The following LRRC7 variants were observed in gnomAD, a reference collection of about 807,000 sequenced individuals.
LRRC7 encodes leucine rich repeat containing 7.
A neutral mutation model predicts 175.7 loss-of-function variants in LRRC7; 23 were observed. The observed-to-expected ratio is 0.13, with a 90% CI of 0.09 to 0.19. The LOEUF is 0.19. Ranked by LOEUF, LRRC7 falls within the 10% of genes least tolerant of loss-of-function variation. The pLI, the probability that LRRC7 is intolerant of heterozygous loss-of-function variation, is 1.00. For synonymous variants in LRRC7, 685 were observed against 680.9 expected (o/e 1.01, Z -0.09); for missense variants, 1,354 against 1,904.7 (o/e 0.71, Z 5.38).
intron 21 of LRRC7, among the ~76,000 whole-genome samples, chr1:70,040,514 G>C (rs114076989): frequency 1.3e-5 from 2 of 152,084 alleles, no homozygotes; most frequent in African/African-American, 4.8e-5. Flanking sequence ...ATTAATTCTA[G>C]TTCAGTTAAA....
intron 2 of LRRC7, among the ~76,000 whole-genome samples, chr1:69,679,201 T>C (rs1467852611): frequency 6.6e-6 from 1 of 152,126 alleles, no homozygotes. Flanking sequence ...TTCCTCATGG[T>C]ATTTGCATAT....
At chr1:70,036,698 A>G in intron 20 of LRRC7, 74 bp downstream of exon 20, 2 of 1,463,700 alleles carry the variant, frequency 1.4e-6, no homozygotes, top group Non-Finnish European at 1.8e-6. Flanking sequence ...GAATCTTCTT[A>G]ATTTTGGAAT....
intron 1 of LRRC7, among the ~76,000 whole-genome samples, chr1:69,675,382 C>T (rs973390085): frequency 6.6e-6 from 1 of 152,096 alleles, no homozygotes; most frequent in African/African-American, 2.4e-5. Context: ...TTTGTTTTCA[C>T]ATATTTGATA....
At chr1:69,943,815 T>G (rs915689033) in intron 8 of LRRC7, among the ~76,000 whole-genome samples, 1 of 151,906 alleles carries the variant, frequency 6.6e-6, no homozygotes, top group Non-Finnish European at 1.5e-5. Flanking sequence ...ATATCAGGAA[T>G]AAGAGGGAGA....
intron 24 of LRRC7, 25 bp from the exon 25 acceptor site, chr1:70,089,702 A>G: frequency 1.4e-6 from 2 of 1,446,002 alleles, no homozygotes; most frequent in Non-Finnish European, 1.9e-6. Context: ...CTGTTTACTT[A>G]CCATTTTATA....
intron 4 of LRRC7, among the ~76,000 whole-genome samples, chr1:69,819,647 G>T (rs921283867): frequency 4.0e-5 from 6 of 149,658 alleles, no homozygotes; most frequent in African/African-American, 1.5e-4. Flanking sequence ...TGCAAGCAGG[G>T]TATCGAAGTC....
At chr1:69,675,307 A>C (rs1659615780) in intron 1 of LRRC7, among the ~76,000 whole-genome samples, 2 of 152,104 alleles carry the variant, frequency 1.3e-5, no homozygotes, top group South Asian at 4.1e-4. Flanking sequence ...AGTACTTTCT[A>C]ATCTGTTTTT....
At chr1:70,090,972 T>C (rs773441842) in intron 25 of LRRC7, among the ~76,000 whole-genome samples, 1 of 152,056 alleles carries the variant, frequency 6.6e-6, no homozygotes. Context: ...GGAGAAGAGG[T>C]TGGTCCAAAA....
At chr1:69,709,700 G>T (rs1384773004) in intron 2 of LRRC7, among the ~76,000 whole-genome samples, 2 of 152,172 alleles carry the variant, frequency 1.3e-5, no homozygotes, top group East Asian at 3.9e-4. Context: ...ATAGAGAGTT[G>T]TGTTATAGGA....
rs566563851 is a variant in LRRC7, at chr1:70,005,449, C to G, written c.1005-6348C>G. ...ATTCACAATCTTTCTTCCCTATTAG[C>G]TAGGTAATTGAGGGTTAATGATACA... On this transcript the variant is annotated intron_variant, in intron 11 of 26. Coordinates refer to ENST00000651989, the MANE Select transcript of LRRC7 (RefSeq NM_001370785.2). Among the ~76,000 whole-genome samples the G allele has an allele frequency of 2.0e-5, 3 of 152,168 alleles. No individual in the cohort carries two copies. The East Asian group carries it at 5.8e-4, about 29-fold the overall frequency.
chr1:69,697,941 G>T (rs1174824172), intron 2 of LRRC7, among the ~76,000 whole-genome samples: 1 of 152,142 alleles, frequency 6.6e-6, no homozygotes, highest in African/African-American at 2.4e-5. Context: ...ATATCCTCAG[G>T]TAGACTCCAG....
intron 8 of LRRC7, among the ~76,000 whole-genome samples, chr1:69,966,649 T>C (rs1013464489): frequency 2.0e-5 from 3 of 152,218 alleles, no homozygotes; most frequent in African/African-American, 7.2e-5. Flanking sequence ...CCCCAAATAC[T>C]GTGAGTGCCC....
At position 70,038,585 on chromosome 1, in the gene LRRC7, G is replaced by A; in HGVS notation, c.2761G>A (p.Glu921Lys). Reference sequence around the variant, plus strand: ...GAAAGAACATATAAAGGAATCTACTGAAATACCTAGTCCTTTTTCTCCAGG... The same window carrying A: ...GAAAGAACATATAAAGGAATCTACTAAAATACCTAGTCCTTTTTCTCCAGG... ...ERKEHIKEST[E>K]IPSPFSPGVP... The change falls in exon 21 of 27, where the codon GAA (glutamate) becomes AAA (lysine). Residue 921 changes from glutamate to lysine, a missense_variant. Glu to Lys is a moderately conservative substitution (Grantham distance 56, BLOSUM62 1). Coordinates refer to ENST00000651989, the MANE Select transcript of LRRC7 (RefSeq NM_001370785.2). 2 of 1,614,076 alleles carry A rather than the reference G, an allele frequency of 1.2e-6. No homozygotes were observed. Among genetic ancestry groups the A allele is most frequent in the East Asian group, 2.2e-5 (1 of 44,876 alleles).
intron 26 of LRRC7, among the ~76,000 whole-genome samples, chr1:70,108,085 T>C (rs1018072367): frequency 3.3e-5 from 5 of 150,030 alleles, no homozygotes; most frequent in Admixed American, 6.7e-5. Context: ...AATTACTTGA[T>C]AATATAAGAA....
intron 1 of LRRC7, among the ~76,000 whole-genome samples, chr1:69,620,201 A>G (rs1219391134): frequency 6.6e-6 from 1 of 152,184 alleles, no homozygotes; most frequent in East Asian, 1.9e-4. Context: ...TAGAAACCGT[A>G]GCCACTTTGA....
intron 3 of LRRC7, among the ~76,000 whole-genome samples, chr1:69,761,338 A>C (rs1671015309): frequency 6.6e-6 from 1 of 152,058 alleles, no homozygotes; most frequent in Admixed American, 6.6e-5. Flanking sequence ...AAAAACTTGA[A>C]ATTAATTATC....
rs1666592367 is a variant in LRRC7 at position 70,129,731 on chromosome 1, C to G, written c.*7844C>G. Among the ~76,000 whole-genome samples, 2 of 152,216 alleles carry G rather than the reference C, an allele frequency of 1.3e-5. No individual in the cohort carries two copies. The highest frequency in any genetic ancestry group is 4.8e-5 in the African/African-American group (2 of 41,446). On this transcript the variant is annotated 3_prime_UTR_variant, in exon 27 of 27. Coordinates refer to ENST00000651989, the MANE Select transcript of LRRC7 (RefSeq NM_001370785.2). Reference sequence around the variant, plus strand: ...ACTTTTTGGGTGGAGAACATTTTCACTACACGCTGCTCAAGTGATCCCCTG... The same window carrying G: ...ACTTTTTGGGTGGAGAACATTTTCAGTACACGCTGCTCAAGTGATCCCCTG...
chr1:69,728,966 AT>A (rs1238453689), intron 2 of LRRC7, among the ~76,000 whole-genome samples: 2 of 152,178 alleles, frequency 1.3e-5, no homozygotes. Flanking sequence ...ACTTACAATC[AT>A]GGCAGAAGGG....
intron 18 of LRRC7, among the ~76,000 whole-genome samples, chr1:70,029,875 AG>A (rs1414687408): frequency 6.6e-6 from 1 of 152,186 alleles, no homozygotes; most frequent in Non-Finnish European, 1.5e-5. Context: ...AATCAGGTCA[AG>A]CATAACAAAT....
Sources: gnomAD v4.1 joint callset for allele counts (sites outside exome capture counted in the v4.1 genomes callset) on GRCh38, gnomAD v4.1.1 for gene constraint, MANE v1.5 for transcripts, NCBI Gene and HGNC (gene_info 2026-07-23, HGNC 2026-07-21) for gene names.